ABCA13: variants seen among roughly 807,000 people sequenced by gnomAD.
ABCA13 encodes ATP binding cassette subfamily A member 13, also known as ATP-binding cassette sub-family A member 13.
ABCA13 carries 476 observed loss-of-function variants against 478.7 expected under a neutral mutation model. The ratio of observed to expected loss-of-function variants is 0.99; its 90% CI spans 0.92 to 1.07. The LOEUF is 1.07. ABCA13 is among the 50% of genes least tolerant of loss of function. ABCA13 has a pLI of 0.00. For synonymous variants in ABCA13, 2,252 were observed against 2,158.9 expected, an observed-to-expected ratio of 1.04 and a Z score of -1.20; for missense variants, 6,060 against 5,910.6, an observed-to-expected ratio of 1.03 and a Z score of -0.83.
At chr7:48,431,201 G>A (rs766680665) in intron 42 of ABCA13, among the ~76,000 whole-genome samples, 6 of 151,984 alleles carry the variant, frequency 3.9e-5, no homozygotes, top group Non-Finnish European at 8.8e-5. Flanking sequence ...ACCAGAATGG[G>A]TTCATATTTT....
intron 48 of ABCA13, among the ~76,000 whole-genome samples, chr7:48,494,338 T>C (rs1211802208): frequency 6.6e-6 from 1 of 152,166 alleles, no homozygotes; most frequent in African/African-American, 2.4e-5. Context: ...AAATCTCTGA[T>C]CTGTAATAGA....
chr7:48,508,193 A>G, intron 50 of ABCA13, 144 bp downstream of exon 50: 2 of 977,054 alleles, frequency 2.0e-6, no homozygotes, highest in Non-Finnish European at 3.1e-6. Context: ...AGAGCATTTC[A>G]GATTAAGTCA....
intron 1 of ABCA13, among the ~76,000 whole-genome samples, chr7:48,174,263 A>T (rs1794542951): frequency 6.6e-6 from 1 of 152,230 alleles, no homozygotes. Flanking sequence ...TGTTGTAGGA[A>T]GGAAGCTTGT....
chr7:48,470,535 T>G (rs1331620304), intron 44 of ABCA13, among the ~76,000 whole-genome samples: 1 of 152,212 alleles, frequency 6.6e-6, no homozygotes, highest in Non-Finnish European at 1.5e-5. Context: ...CCATGTAAAC[T>G]CTTAAGTTTC....
At position 48,273,953 on chromosome 7, in the gene ABCA13, C is replaced by A; in HGVS notation, c.4287C>A (p.Asn1429Lys). ...TGGGGAATTTCAGAGATATAGAAAA[C>A]AAAATGAACTCTATATTAAAAATTG... ...NILGNFRDIE[N>K]KMNSILKIVT... Residue 1429 changes from asparagine (N) to lysine (K), a missense_variant, in exon 17 of 62, where the codon AAC becomes AAA. Physicochemically the swap from Asn to Lys is moderately conservative, Grantham distance 94. Transcript: ENST00000435803. 6.2e-7 allele frequency: 1 copy of A among 1,610,836 alleles called. No individual in the cohort carries two copies.
chr7:48,417,387 C>T (rs1456381966), intron 41 of ABCA13, among the ~76,000 whole-genome samples: 2 of 152,152 alleles, frequency 1.3e-5, no homozygotes, highest in Non-Finnish European at 2.9e-5. Flanking sequence ...CTTCTTCAAC[C>T]CATGGTTGCC....
At chr7:48,378,654 A>G (rs890204347) in intron 35 of ABCA13, among the ~76,000 whole-genome samples, 3 of 152,278 alleles carry the variant, frequency 2.0e-5, no homozygotes, top group South Asian at 2.1e-4. Context: ...GTCTCACAAT[A>G]TGGCTCATGA....
At chr7:48,314,961 A>G (rs1202426975) in intron 26 of ABCA13, among the ~76,000 whole-genome samples, 1 of 152,222 alleles carries the variant, frequency 6.6e-6, no homozygotes, top group East Asian at 1.9e-4. Flanking sequence ...AAATTAATAC[A>G]TAATTTTTTG....
chr7:48,377,062 G>A (rs1215585049), intron 35 of ABCA13, among the ~76,000 whole-genome samples: 1 of 152,166 alleles, frequency 6.6e-6, no homozygotes, highest in African/African-American at 2.4e-5. Context: ...TGGGCTGGGA[G>A]TGAGGGGCCA....
intron 38 of ABCA13, among the ~76,000 whole-genome samples, chr7:48,394,311 T>C (rs139889475): frequency 1.3e-5 from 2 of 152,290 alleles, no homozygotes; most frequent in South Asian, 2.1e-4. Context: ...TGATCCTTCA[T>C]TGTGTGGTGC....
chr7:48,643,190 T>G, intron 59 of ABCA13, 98 bp from the exon 60 acceptor site: 1 of 731,856 alleles, frequency 1.4e-6, no homozygotes, highest in Non-Finnish European at 2.3e-6. Flanking sequence ...TTGGAGTAAT[T>G]ACTTCCTTTT....
chr7:48,623,552 G>A (rs1793362159), intron 59 of ABCA13, among the ~76,000 whole-genome samples: 1 of 152,160 alleles, frequency 6.6e-6, no homozygotes, highest in African/African-American at 2.4e-5. Context: ...AGAATCCAGA[G>A]GTAACTGGTT....
chr7:48,588,756 G>A (rs538519853), intron 57 of ABCA13, among the ~76,000 whole-genome samples: 10 of 152,248 alleles, frequency 6.6e-5, no homozygotes, highest in East Asian at 1.9e-4. Context: ...GTAAATATTC[G>A]TGACTATGAT....
intron 3 of ABCA13, among the ~76,000 whole-genome samples, chr7:48,216,827 C>T (rs1285199712): frequency 6.6e-6 from 1 of 152,132 alleles, no homozygotes; most frequent in South Asian, 2.1e-4. Context: ...TAAAGGGTTA[C>T]CTTCTATCTA....
At chr7:48,317,585 G>T (rs1434085403) in intron 27 of ABCA13, among the ~76,000 whole-genome samples, 6 of 152,244 alleles carry the variant, frequency 3.9e-5, no homozygotes, top group Admixed American at 3.9e-4. Context: ...CAGTGAGACA[G>T]AGAGGAGGAC....
chr7:48,403,875 A>G lies in ABCA13; in HGVS notation c.12066A>G (p.Arg4022=). 8 of 1,612,808 alleles carry G rather than the reference A, an allele frequency of 5.0e-6. No individual in the cohort carries two copies. Among genetic ancestry groups the G allele is most frequent in the Non-Finnish European group, 5.9e-6 (7 of 1,179,402 alleles). The change falls in exon 39 of 62, where the codon CGA becomes CGG. Residue 4022 remains arginine (R), a synonymous_variant. Coordinates refer to ENST00000435803, the MANE Select transcript of ABCA13 (RefSeq NM_152701.5). Reference sequence around the variant, plus strand: ...TGTGGGACATTCTGCTCAAGTACCGAGAAGGTAGGCACTGGGCCTCATTCT... The same window carrying G: ...TGTGGGACATTCTGCTCAAGTACCGGGAAGGTAGGCACTGGGCCTCATTCT... ...HSLWDILLKY[R]EGRTIIFTTH...
chr7:48,224,945 C>T (rs965552487), intron 5 of ABCA13, among the ~76,000 whole-genome samples: 8 of 152,094 alleles, frequency 5.3e-5, no homozygotes, highest in African/African-American at 7.2e-5. Context: ...GGAACCTAAA[C>T]GGAGACAGGA....
At chr7:48,196,520 T>A (rs1797955970) in intron 2 of ABCA13, among the ~76,000 whole-genome samples, 1 of 152,170 alleles carries the variant, frequency 6.6e-6, no homozygotes, top group Non-Finnish European at 1.5e-5. Context: ...CTCCCAGGGC[T>A]GCTGTGAGGA....
At chr7:48,494,381 T>C (rs912993349) in intron 48 of ABCA13, among the ~76,000 whole-genome samples, 6 of 152,198 alleles carry the variant, frequency 3.9e-5, no homozygotes, top group African/African-American at 1.2e-4. Context: ...CTGTTGGAAT[T>C]CGGCTGGCAT....
Sources: allele counts gnomAD v4.1 joint callset (sites outside exome capture counted in the v4.1 genomes callset), GRCh38; gene constraint gnomAD v4.1.1; transcripts MANE v1.5; gene names NCBI Gene and HGNC (gene_info 2026-07-23, HGNC 2026-07-21).